Variants in LTBP1 observed in about 807,000 individuals in gnomAD.
LTBP1 encodes the protein latent-transforming growth factor beta-binding protein 1.
In LTBP1, 129 loss-of-function variants were observed where a neutral mutation model predicts 207.6. The observed-to-expected ratio is 0.62, with a 90% CI of 0.54 to 0.72. The LOEUF is 0.72. Among genes scored for constraint, LTBP1 ranks in the 30% least tolerant of loss-of-function variants. The pLI is 0.00. For missense variants in LTBP1, 2,281 were observed against 2,217.2 expected, an observed-to-expected ratio of 1.03 and a Z score of -0.58; for synonymous variants, 963 against 833.7, an observed-to-expected ratio of 1.16 and a Z score of -2.67.
chr2:33,157,392 G>A (rs931269885), intron 5 of LTBP1, among the ~76,000 whole-genome samples: 3 of 152,258 alleles, frequency 2.0e-5, no homozygotes, highest in African/African-American at 7.2e-5. Flanking sequence ...CCTGCGTGCA[G>A]GAGGAGTAAG....
At chr2:33,362,435 C>G (rs1218031630) in intron 28 of LTBP1, among the ~76,000 whole-genome samples, 6 of 152,110 alleles carry the variant, frequency 3.9e-5, no homozygotes, top group Non-Finnish European at 7.4e-5. Flanking sequence ...ATATACATTA[C>G]TATGTTTTTG....
chr2:33,303,737 G>T (rs576130381), intron 22 of LTBP1, among the ~76,000 whole-genome samples: 1 of 152,224 alleles, frequency 6.6e-6, no homozygotes, highest in South Asian at 2.1e-4. Context: ...TATGAGAATC[G>T]AATCCAGCTG....
chr2:33,209,399 C>T (rs1448490156), intron 7 of LTBP1, among the ~76,000 whole-genome samples: 5 of 152,144 alleles, frequency 3.3e-5, no homozygotes. Flanking sequence ...GGTTCTCTGG[C>T]ACCAAAACAT....
At chr2:33,311,008 C>G (rs2094178255) in intron 23 of LTBP1, among the ~76,000 whole-genome samples, 2 of 152,008 alleles carry the variant, frequency 1.3e-5, no homozygotes, top group African/African-American at 4.8e-5. Context: ...TACTTTTTAC[C>G]CACTATTACT....
intron 23 of LTBP1, among the ~76,000 whole-genome samples, chr2:33,311,826 A>T (rs2094192430): frequency 1.3e-5 from 2 of 152,192 alleles, no homozygotes; most frequent in Non-Finnish European, 2.9e-5. Flanking sequence ...CAAATATGTG[A>T]CTACTCCAAA....
intron 2 of LTBP1, among the ~76,000 whole-genome samples, chr2:33,012,180 A>C (rs757703929): frequency 2.7e-4 from 41 of 152,360 alleles, no homozygotes; most frequent in Non-Finnish European, 5.0e-4. Flanking sequence ...TGCCTGGTGC[A>C]AAATTGAGCA....
intron 3 of LTBP1, among the ~76,000 whole-genome samples, chr2:33,058,175 A>C (rs919247745): frequency 2.0e-5 from 3 of 152,232 alleles, no homozygotes; most frequent in Non-Finnish European, 4.4e-5. Context: ...CTTGTAGACT[A>C]ATAATAGCTA....
At chr2:33,262,631 C>A in intron 13 of LTBP1, 91 bp from the exon 14 acceptor site, 223 of 376,534 alleles carry the variant, frequency 5.9e-4, no homozygotes, top group Middle Eastern at 2.5e-3. Flanking sequence ...TAATTAATTA[C>A]ATAAAAATAG....
intron 2 of LTBP1, among the ~76,000 whole-genome samples, chr2:32,978,189 A>G (rs1435438041): frequency 6.6e-6 from 1 of 152,162 alleles, no homozygotes; most frequent in African/African-American, 2.4e-5. Flanking sequence ...CTTCCTTTTC[A>G]ATTCGGATGC....
chr2:33,254,208 A>G (rs1430082172), intron 11 of LTBP1, among the ~76,000 whole-genome samples: 3 of 152,042 alleles, frequency 2.0e-5, no homozygotes, highest in East Asian at 3.8e-4. Flanking sequence ...AATCTTTATA[A>G]TTTATAGACA....
intron 7 of LTBP1, 53 bp from the exon 8 acceptor site, chr2:33,217,499 G>C: frequency 7.9e-7 from 1 of 1,260,804 alleles, no homozygotes; most frequent in Non-Finnish European, 1.2e-6. Flanking sequence ...GTGCTCTGGG[G>C]CTGGGCATCC....
intron 3 of LTBP1, among the ~76,000 whole-genome samples, chr2:33,050,004 G>A (rs1043333879): frequency 3.3e-5 from 5 of 151,996 alleles, no homozygotes; most frequent in African/African-American, 1.2e-4. Flanking sequence ...ACTGCGCCCA[G>A]CCAATTTTTA....
intron 3 of LTBP1, among the ~76,000 whole-genome samples, chr2:33,037,893 A>AT (rs35700779): frequency 6.6e-6 from 1 of 152,000 alleles, no homozygotes; most frequent in Admixed American, 6.6e-5. Flanking sequence ...AATTTTTAAA[A>AT]TTTTTTGGAG....
chr2:33,148,352 A>G (rs2083224958), intron 5 of LTBP1, among the ~76,000 whole-genome samples: 2 of 152,328 alleles, frequency 1.3e-5, no homozygotes, highest in East Asian at 1.9e-4. Context: ...CTGATAACAT[A>G]TGTTCTCTAT....
intron 5 of LTBP1, among the ~76,000 whole-genome samples, chr2:33,141,472 A>T (rs1199761471): frequency 6.6e-6 from 1 of 152,254 alleles, no homozygotes; most frequent in African/African-American, 2.4e-5. Flanking sequence ...TTAAAAATAT[A>T]GTATATGTGT....
intron 9 of LTBP1, among the ~76,000 whole-genome samples, chr2:33,242,573 T>A (rs2092366265): frequency 1.5e-5 from 1 of 65,088 alleles, no homozygotes; most frequent in Admixed American, 1.9e-4. Flanking sequence ...CCAGCTGTGA[T>A]TTTTTTTTCC....
intron 3 of LTBP1, among the ~76,000 whole-genome samples, chr2:33,063,701 T>G (rs756747462): frequency 3.3e-5 from 5 of 152,164 alleles, no homozygotes; most frequent in Non-Finnish European, 5.9e-5. Context: ...ACTGCTGCCA[T>G]AGCTCAATTT....
At chr2:32,974,400 G>A (rs1377081098) in intron 2 of LTBP1, among the ~76,000 whole-genome samples, 1 of 152,164 alleles carries the variant, frequency 6.6e-6, no homozygotes, top group Non-Finnish European at 1.5e-5. Context: ...AGAAATGTCT[G>A]TTCAAGTCTT....
intron 14 of LTBP1, 64 bp downstream of exon 14, chr2:33,262,885 T>G: frequency 8.1e-7 from 1 of 1,239,498 alleles, no homozygotes; most frequent in Non-Finnish European, 1.1e-6. Flanking sequence ...GACGGGAAAT[T>G]TTTGTCTTTG....
Sources: gnomAD v4.1 joint callset for allele counts (sites outside exome capture counted in the v4.1 genomes callset) on GRCh38, gnomAD v4.1.1 for gene constraint, MANE v1.5 for transcripts, NCBI Gene and HGNC (gene_info 2026-07-23, HGNC 2026-07-21) for gene names.